Variants in TVP23B observed in about 807,000 individuals in gnomAD.
TVP23B encodes Golgi apparatus membrane protein TVP23 homolog B.
A neutral mutation model predicts 30.6 loss-of-function variants in TVP23B; 10 were observed. The ratio of observed to expected loss-of-function variants is 0.33; its 90% CI spans 0.20 to 0.55. The LOEUF is 0.55. Among genes scored for constraint, TVP23B ranks in the 20% least tolerant of loss-of-function variants. The probability of loss-of-function intolerance (pLI) is 0.91; values close to 1 mark genes in which losing one functional copy is unlikely to be tolerated. For synonymous variants in TVP23B, 67 were observed against 83.1 expected (o/e 0.81, Z 1.06); for missense variants, 153 against 243.2 (o/e 0.63, Z 2.47).
chr17:18,785,784 C>A (rs1194792969), intron 1 of TVP23B, among the ~76,000 whole-genome samples: 16 of 152,078 alleles, frequency 1.1e-4, no homozygotes, highest in Non-Finnish European at 2.4e-4. Flanking sequence ...AGTAGTGACC[C>A]CTGATTGCTC....
intron 5 of TVP23B, among the ~76,000 whole-genome samples, chr17:18,800,934 T>G (rs1240359077): frequency 6.6e-6 from 1 of 152,240 alleles, no homozygotes; most frequent in Non-Finnish European, 1.5e-5. Flanking sequence ...ATGTCAGAGC[T>G]GTCTGGAGAC....
intron 1 of TVP23B, among the ~76,000 whole-genome samples, chr17:18,787,983 A>G (rs1195122913): frequency 6.6e-6 from 1 of 152,080 alleles, no homozygotes; most frequent in Non-Finnish European, 1.5e-5. Flanking sequence ...GAGGAACAGG[A>G]TCAGGTTTGT....
At chr17:18,791,927 A>G (rs970662798) in intron 3 of TVP23B, among the ~76,000 whole-genome samples, 65 of 151,998 alleles carry the variant, frequency 4.3e-4, no homozygotes, top group Non-Finnish European at 7.1e-4. Flanking sequence ...TAGTGGAGAA[A>G]AAAATCAAAG....
intron 3 of TVP23B, chr17:18,797,243 G>C (rs2036090104): frequency 3.5e-6 from 1 of 286,688 alleles, no homozygotes; most frequent in Admixed American, 5.0e-5. Context: ...GCTATAGTCA[G>C]GATGTAAAGT....
intron 5 of TVP23B, among the ~76,000 whole-genome samples, chr17:18,801,488 G>C (rs2036166308): frequency 6.6e-6 from 1 of 152,214 alleles, no homozygotes; most frequent in Admixed American, 6.5e-5. Flanking sequence ...CTCTGAGCTG[G>C]AGTTGCAGTG....
At chr17:18,797,386 C>T (rs2036092092) in intron 3 of TVP23B, 193 bp from the exon 4 acceptor site, 2 of 927,314 alleles carry the variant, frequency 2.2e-6, no homozygotes, top group African/African-American at 1.7e-5. Flanking sequence ...CACCTCTACC[C>T]CTATTAGTCC....
intron 2 of TVP23B, 44 bp downstream of exon 2, chr17:18,789,479 T>C (rs756044154): frequency 6.2e-7 from 1 of 1,613,402 alleles, no homozygotes; most frequent in African/African-American, 1.3e-5. Context: ...TGTCCAGTGC[T>C]GTTCTGTATG....
chr17:18,804,421 A>G (rs2036217685), intron 6 of TVP23B, 155 bp downstream of exon 6: 3 of 1,352,020 alleles, frequency 2.2e-6, no homozygotes, highest in Non-Finnish European at 2.9e-6. Context: ...GGGGGTGTTC[A>G]AGACAGTCTG....
intron 5 of TVP23B, among the ~76,000 whole-genome samples, chr17:18,802,117 G>GGGGC (rs2036177214): frequency 6.6e-6 from 1 of 152,160 alleles, no homozygotes; most frequent in Non-Finnish European, 1.5e-5. Flanking sequence ...AGTTACTCGG[G>GGGGC]AGGCTGAGGC....
chr17:18,781,667 G>A (rs2035810139), intron 1 of TVP23B: 1 of 333,680 alleles, frequency 3.0e-6, no homozygotes, highest in Non-Finnish European at 5.5e-6. Context: ...ATGCTATTTT[G>A]TAGGAATCGG....
At chr17:18,791,220 T>C (rs2035990232) in intron 3 of TVP23B, among the ~76,000 whole-genome samples, 180 bp downstream of exon 3, 1 of 128,528 alleles carries the variant, frequency 7.8e-6, no homozygotes, top group African/African-American at 2.9e-5. Context: ...TTTCATTTTT[T>C]CCCTTTGACA....
intron 1 of TVP23B, among the ~76,000 whole-genome samples, chr17:18,784,726 G>A (rs983387963): frequency 1.3e-5 from 2 of 152,212 alleles, no homozygotes; most frequent in African/African-American, 4.8e-5. Context: ...ACAGATGATG[G>A]ATCCTCCTCC....
At chr17:18,793,027 C>T (rs1057229421) in intron 3 of TVP23B, among the ~76,000 whole-genome samples, 3 of 151,866 alleles carry the variant, frequency 2.0e-5, no homozygotes, top group Non-Finnish European at 4.4e-5. Flanking sequence ...CTAACATTAG[C>T]TGATGAGCTT....
intron 1 of TVP23B, among the ~76,000 whole-genome samples, chr17:18,786,559 G>C (rs908149837): frequency 6.6e-6 from 1 of 152,278 alleles, no homozygotes; most frequent in South Asian, 2.1e-4. Flanking sequence ...AACATCATAC[G>C]GTGGATCTCA....
At chr17:18,792,845 G>A (rs1314464309) in intron 3 of TVP23B, among the ~76,000 whole-genome samples, 1 of 152,168 alleles carries the variant, frequency 6.6e-6, no homozygotes, top group Non-Finnish European at 1.5e-5. Context: ...CTTGGGATAA[G>A]CAGGGTTCTG....
intron 1 of TVP23B, among the ~76,000 whole-genome samples, chr17:18,787,511 T>C (rs1370612044): frequency 6.6e-6 from 1 of 151,892 alleles, no homozygotes; most frequent in Non-Finnish European, 1.5e-5. Flanking sequence ...ATTGTTCAAA[T>C]GGAGATTCGT....
In TVP23B at chr17:18,806,305, A is replaced by G. The variant is rs181910301; in HGVS notation, c.*738A>G. The G allele has an allele frequency of 2.1e-6, 2 of 958,362 alleles. No individual in the cohort carries two copies. The highest frequency in any genetic ancestry group is 3.5e-5 in the African/African-American group (2 of 56,864). 59.4% of individuals were successfully genotyped at this position (958,362 alleles called of 1,614,324 possible). On this transcript the variant is annotated 3_prime_UTR_variant, in exon 7 of 7. Coordinates refer to ENST00000307767, the MANE Select transcript of TVP23B (RefSeq NM_016078.6). The stretch of plus-strand genomic sequence containing the variant: ...GCTCTTCAGTGGACCTTGAGCTAAT[A>G]GATCTTTTACCACTAAAAGAGCATT...
At chr17:18,798,744 A>G in intron 4 of TVP23B, 68 bp from the exon 5 acceptor site, 2 of 1,566,522 alleles carry the variant, frequency 1.3e-6, no homozygotes, top group South Asian at 1.2e-5. Context: ...TATGTTTTTT[A>G]TTAAACATGT....
chr17:18,805,336 G>A (rs1474422317), intron 6 of TVP23B, among the ~76,000 whole-genome samples: 15 of 151,868 alleles, frequency 9.9e-5, no homozygotes, highest in East Asian at 3.9e-4. Context: ...CACCCTCCTC[G>A]GCCTCCCAAA....
Sources: allele counts gnomAD v4.1 joint callset (sites outside exome capture counted in the v4.1 genomes callset), GRCh38; gene constraint gnomAD v4.1.1; transcripts MANE v1.5; gene names NCBI Gene and HGNC (gene_info 2026-07-23, HGNC 2026-07-21).